KSR2: variants seen among roughly 807,000 people sequenced by gnomAD.
KSR2 encodes the protein kinase suppressor of ras 2.
A neutral mutation model predicts 107.8 loss-of-function variants in KSR2; 25 were observed. The ratio of observed to expected loss-of-function variants is 0.23; its 90% confidence interval spans 0.17 to 0.32. KSR2 has a LOEUF of 0.32. Ranked by LOEUF, KSR2 falls within the 10% of genes least tolerant of loss-of-function variation. KSR2 has a pLI of 1.00. For synonymous variants in KSR2, 480 were observed against 507.0 expected (o/e 0.95, Z 0.71); for missense variants, 887 against 1,268.9 (o/e 0.70, Z 4.57).
intron 4 of KSR2, among the ~76,000 whole-genome samples, chr12:117,698,091 G>A (rs605265): frequency 0.58 from 88,584 of 151,898 alleles, 27,144 homozygotes; most frequent in South Asian, 0.76. Flanking sequence ...GGCAAGAAGC[G>A]TAGGACAGAT....
intron 9 of KSR2, among the ~76,000 whole-genome samples, chr12:117,554,474 G>T (rs1003693089): frequency 6.6e-6 from 1 of 152,118 alleles, no homozygotes; most frequent in East Asian, 1.9e-4. Context: ...CCTGGAAGAT[G>T]GTGTTATGGT....
At chr12:117,710,382 G>T (rs1237919437) in intron 4 of KSR2, among the ~76,000 whole-genome samples, 1 of 152,222 alleles carries the variant, frequency 6.6e-6, no homozygotes, top group Non-Finnish European at 1.5e-5. Context: ...GAACATTCAA[G>T]TGCATTACAA....
intron 3 of KSR2, among the ~76,000 whole-genome samples, chr12:117,848,850 A>AGTGGTGG (rs1555249552): frequency 2.2e-4 from 19 of 87,032 alleles, no homozygotes; most frequent in South Asian, 3.8e-4. Flanking sequence ...GGTGATGGTG[A>AGTGGTGG]TGATGGTGAT....
intron 10 of KSR2, 50 bp downstream of exon 10, chr12:117,539,669 T>A: frequency 2.0e-6 from 3 of 1,477,780 alleles, no homozygotes; most frequent in Non-Finnish European, 1.8e-6. Context: ...CTCCCTAATC[T>A]CTGCCCCTCC....
chr12:117,527,181 T>C (rs1462944243), intron 12 of KSR2, 62 bp from the exon 13 acceptor site: 69 of 1,252,910 alleles, frequency 5.5e-5, no homozygotes, highest in East Asian at 2.3e-5. Context: ...ATATTGAGTT[T>C]AGCTATGTAC....
At chr12:117,661,135 T>G (rs1402994096) in intron 5 of KSR2, among the ~76,000 whole-genome samples, 1 of 152,202 alleles carries the variant, frequency 6.6e-6, no homozygotes, top group Non-Finnish European at 1.5e-5. Flanking sequence ...TTGAGAGATG[T>G]TCTATAAAGT....
chr12:117,649,121 G>A (rs1040054636), intron 5 of KSR2, among the ~76,000 whole-genome samples: 17 of 152,188 alleles, frequency 1.1e-4, no homozygotes, highest in Admixed American at 2.0e-4. Context: ...GCCAGATGAA[G>A]AAACCAAGGC....
intron 3 of KSR2, among the ~76,000 whole-genome samples, chr12:117,840,300 G>T (rs1892415388): frequency 6.6e-6 from 1 of 152,046 alleles, no homozygotes; most frequent in African/African-American, 2.4e-5. Flanking sequence ...GTTTCACCAT[G>T]TTGGCCAGGC....
At chr12:117,911,155 CTT>C (rs1165282127) in intron 1 of KSR2, among the ~76,000 whole-genome samples, 1 of 128,208 alleles carries the variant, frequency 7.8e-6, no homozygotes, top group Non-Finnish European at 1.6e-5. Context: ...TGCACACATT[CTT>C]TCTCTCTCTC....
At chr12:117,658,534 T>C (rs1884283291) in intron 5 of KSR2, among the ~76,000 whole-genome samples, 1 of 152,124 alleles carries the variant, frequency 6.6e-6, no homozygotes, top group Admixed American at 6.5e-5. Context: ...AATGGCAGAG[T>C]TGAGTAGTTG....
At chr12:117,606,584 TCTTCCTTCCTTCTTTCCTCCTTC>T (rs1565923087) in intron 5 of KSR2, among the ~76,000 whole-genome samples, 6 of 38,158 alleles carry the variant, frequency 1.6e-4, no homozygotes, top group Non-Finnish European at 2.4e-4. Flanking sequence ...TCCCTTCCCT[TCTTCCTTCCTTCTTTCCTCCTTC>T]CTTCCTTCCT....
intron 1 of KSR2, among the ~76,000 whole-genome samples, chr12:117,948,462 G>A (rs1027510243): frequency 6.7e-6 from 1 of 150,034 alleles, no homozygotes; most frequent in African/African-American, 2.5e-5. Context: ...TGCACTCCAG[G>A]CAGGGTGACA....
chr12:117,749,981 C>G (rs1888554010), intron 4 of KSR2, among the ~76,000 whole-genome samples: 1 of 152,160 alleles, frequency 6.6e-6, no homozygotes, highest in South Asian at 2.1e-4. Context: ...GGCGCAATGG[C>G]TGACGCCTGT....
At chr12:117,568,677 A>G (rs1181536567) in intron 7 of KSR2, among the ~76,000 whole-genome samples, 1 of 151,970 alleles carries the variant, frequency 6.6e-6, no homozygotes, top group Non-Finnish European at 1.5e-5. Context: ...AGTGTTTAGC[A>G]AAATGTCTGG....
chr12:117,825,645 C>A (rs1566034308), intron 3 of KSR2, among the ~76,000 whole-genome samples: 1 of 152,080 alleles, frequency 6.6e-6, no homozygotes, highest in African/African-American at 2.4e-5. Flanking sequence ...ATTCTCAAAT[C>A]ATCTCATTGT....
intron 4 of KSR2, among the ~76,000 whole-genome samples, chr12:117,678,552 G>A (rs1346436029): frequency 6.6e-6 from 1 of 152,196 alleles, no homozygotes; most frequent in Non-Finnish European, 1.5e-5. Flanking sequence ...GTACAAAACA[G>A]AACTGCTGAG....
chr12:117,777,105 T>C (rs1486215434), intron 3 of KSR2, among the ~76,000 whole-genome samples: 202 of 138,044 alleles, frequency 1.5e-3, no homozygotes, highest in Admixed American at 2.9e-3. Flanking sequence ...TATATATATA[T>C]ATACACACAC....
chr12:117,802,679 G>A (rs1318175065), intron 3 of KSR2, among the ~76,000 whole-genome samples: 1 of 152,202 alleles, frequency 6.6e-6, no homozygotes, highest in African/African-American at 2.4e-5. Context: ...GGGGTGGGGA[G>A]GGGGACATTG....
rs1381896525 is a variant in KSR2 at position 117,462,393 on chromosome 12, C to A, written c.*4806G>T. On this transcript the variant is annotated 3_prime_UTR_variant, in exon 20 of 20. Transcript: ENST00000339824. ...CCCTTAATCCAATGTGACTCGTGTC[C>A]TTATAAGAAGATGGCCATATGAAGA... is the stretch of plus-strand genomic sequence containing the variant. 1 of 151,908 alleles carries A rather than the reference C, an allele frequency of 6.6e-6. No individual in the cohort carries two copies. Among genetic ancestry groups the A allele is most frequent in the Non-Finnish European group, 1.5e-5 (1 of 67,994 alleles). 9.4% of individuals were successfully genotyped at this position (151,908 alleles called of 1,614,324 possible).
Sources: gnomAD v4.1 joint callset for allele counts (sites outside exome capture counted in the v4.1 genomes callset) on GRCh38, gnomAD v4.1.1 for gene constraint, MANE v1.5 for transcripts, NCBI Gene and HGNC (gene_info 2026-07-23, HGNC 2026-07-21) for gene names.